The following ADAMTS20 variants were observed in gnomAD, a reference collection of about 807,000 sequenced individuals.
ADAMTS20 encodes A disintegrin and metalloproteinase with thrombospondin motifs 20.
In ADAMTS20, 225 loss-of-function variants were observed where a neutral mutation model predicts 260.1. That is an observed-to-expected ratio of 0.87 (90% CI 0.78 to 0.97). The LOEUF (loss-of-function observed/expected upper bound fraction) is 0.97. ADAMTS20 is among the 50% of genes least tolerant of loss of function. ADAMTS20 has a pLI of 0.00. For synonymous variants in ADAMTS20, 802 were observed against 769.5 expected (o/e 1.04, Z -0.70); for missense variants, 2,400 against 2,337.7 (o/e 1.03, Z -0.55).
chr12:43,439,389 AATAG>A (rs1941615844), intron 18 of ADAMTS20, among the ~76,000 whole-genome samples: 2 of 152,336 alleles, frequency 1.3e-5, no homozygotes, highest in African/African-American at 2.4e-5. Context: ...AAAGAACAGT[AATAG>A]ATAGAGAAGG....
intron 3 of ADAMTS20, among the ~76,000 whole-genome samples, chr12:43,530,915 T>C (rs1225853232): frequency 6.6e-6 from 1 of 152,004 alleles, no homozygotes; most frequent in Non-Finnish European, 1.5e-5. Context: ...TCTCATAGAT[T>C]GGTGAAACTA....
intron 2 of ADAMTS20, among the ~76,000 whole-genome samples, chr12:43,537,432 G>C (rs181761174): frequency 5.3e-5 from 8 of 152,150 alleles, no homozygotes; most frequent in Non-Finnish European, 8.8e-5. Context: ...GGTGATACAG[G>C]CATACAATGT....
At chr12:43,452,167 A>C in intron 14 of ADAMTS20, 107 bp downstream of exon 14, 1 of 1,225,848 alleles carries the variant, frequency 8.2e-7, no homozygotes, top group Middle Eastern at 2.7e-4. Flanking sequence ...TGGAATGCAT[A>C]AGAACATATG....
In ADAMTS20 at chr12:43,535,179, C is replaced by T. The variant is rs190555457; in HGVS notation, c.454-2984G>A. The stretch of plus-strand genomic sequence containing the variant: ...TTTGCTATTTAAAACTATTCTTCCC[C>T]ACTAGACAGAAGTCTTCAAATAAGC... On this transcript the variant is annotated intron_variant, in intron 2 of 38. Coordinates refer to ENST00000389420, the MANE Select transcript of ADAMTS20 (RefSeq NM_025003.5). Among the ~76,000 whole-genome samples, 19 of 152,252 alleles carry T rather than the reference C, an allele frequency of 1.2e-4. No individual in the cohort carries two copies. In the East Asian group the frequency reaches 3.5e-3, roughly 28 times the overall value.
chr12:43,404,013 T>C (rs1047445064), intron 28 of ADAMTS20, among the ~76,000 whole-genome samples: 1 of 152,134 alleles, frequency 6.6e-6, no homozygotes, highest in Non-Finnish European at 1.5e-5. Flanking sequence ...GAAACTCCCT[T>C]CTCTGATGGA....
At chr12:43,440,095 T>C (rs1351483086) in intron 16 of ADAMTS20, 26 bp from the exon 17 acceptor site, 3 of 1,510,012 alleles carry the variant, frequency 2.0e-6, no homozygotes, top group Non-Finnish European at 1.8e-6. Flanking sequence ...GCATAACTCA[T>C]GAAATAGTAA....
chr12:43,400,632 T>C (rs1162569974), intron 28 of ADAMTS20, among the ~76,000 whole-genome samples: 1 of 151,902 alleles, frequency 6.6e-6, no homozygotes, highest in African/African-American at 2.4e-5. Context: ...TTACCGTTCC[T>C]GACCATGTTA....
At chr12:43,443,474 A>G (rs372297254) in intron 16 of ADAMTS20, among the ~76,000 whole-genome samples, 1 of 152,212 alleles carries the variant, frequency 6.6e-6, no homozygotes, top group East Asian at 1.9e-4. Flanking sequence ...TACAATTAAT[A>G]TTAGACAAAA....
At chr12:43,356,782 T>A (rs1939755426) in intron 37 of ADAMTS20, among the ~76,000 whole-genome samples, 194 bp from the exon 38 acceptor site, 1 of 152,344 alleles carries the variant, frequency 6.6e-6, no homozygotes, top group South Asian at 2.1e-4. Context: ...TAGCAAGTTC[T>A]GACAGAAATA....
chr12:43,354,814 G>T (rs1280642457), intron 38 of ADAMTS20, among the ~76,000 whole-genome samples: 4 of 152,162 alleles, frequency 2.6e-5, no homozygotes, highest in Non-Finnish European at 4.4e-5. Flanking sequence ...AGTATAGAAG[G>T]TGGTAAAATG....
intron 4 of ADAMTS20, among the ~76,000 whole-genome samples, chr12:43,501,475 G>GCAT: frequency 1.7e-5 from 1 of 59,074 alleles, no homozygotes; most frequent in South Asian, 6.8e-4. Flanking sequence ...GCGCGCGCGC[G>GCAT]CGCGCGCACA....
intron 3 of ADAMTS20, among the ~76,000 whole-genome samples, chr12:43,529,405 G>A (rs1342630324): frequency 2.6e-5 from 4 of 151,960 alleles, no homozygotes; most frequent in African/African-American, 9.7e-5. Context: ...ACCAACCTAC[G>A]TGCCTGCTAA....
intron 16 of ADAMTS20, among the ~76,000 whole-genome samples, chr12:43,441,860 TATTGTAAAATAA>T (rs1260514851): frequency 2.0e-5 from 3 of 152,186 alleles, no homozygotes; most frequent in Admixed American, 2.0e-4. Context: ...TTGAAGGGAT[TATTGTAAAATAA>T]ATTTGGTGTT....
In ADAMTS20 at chr12:43,405,173, T is replaced by C. The variant is rs974865356; in HGVS notation, c.4285-5940A>G. ...CTTTGGGAGGCTGAGGCCAGAGGAT[T>C]GCTTGAACCCAGGAGTTTGAGATCA... On this transcript the variant is annotated intron_variant, in intron 28 of 38. Coordinates refer to ENST00000389420, the MANE Select transcript of ADAMTS20 (RefSeq NM_025003.5). Among the ~76,000 whole-genome samples, 5 of 136,002 alleles carry C rather than the reference T, an allele frequency of 3.7e-5. No homozygotes were observed. In the Admixed American group the frequency reaches 4.2e-4, roughly 12 times the overall value. 89.2% of individuals were successfully genotyped at this position (136,002 alleles called of 152,430 possible). A position where few individuals can be genotyped will look rare whatever the true frequency, so the allele number is the denominator to read the frequency against.
In ADAMTS20 at chr12:43,551,420, C is replaced by A. The variant is rs1453585099; in HGVS notation, c.92-150G>T. ...GCACACATGCTGATGCGCACGCACA[C>A]ACACACACGTGCACTGGGACGGTTA... On this transcript the variant is annotated intron_variant, in intron 1 of 38. Transcript: ENST00000389420. This position sits in a 1 kb window ranked among gnomAD's most constrained non-coding sequence, Gnocchi z 4.6. 4.2e-6 allele frequency: 5 copies of A among 1,182,796 alleles called. No individual in the cohort carries two copies. Among genetic ancestry groups the A allele is most frequent in the Non-Finnish European group, 5.8e-6 (5 of 864,466 alleles). 73.3% of individuals were successfully genotyped at this position (1,182,796 alleles called of 1,614,324 possible).
At chr12:43,505,855 G>T (rs1942833543) in intron 3 of ADAMTS20, among the ~76,000 whole-genome samples, 2 of 152,206 alleles carry the variant, frequency 1.3e-5, no homozygotes, top group African/African-American at 2.4e-5. Flanking sequence ...CAGGTTCATT[G>T]CAGTATTATT....
intron 14 of ADAMTS20, 140 bp from the exon 15 acceptor site, chr12:43,446,852 AC>A (rs1290919827): frequency 3.0e-6 from 2 of 667,886 alleles, no homozygotes; most frequent in African/African-American, 3.6e-5. Context: ...CTCAGAGGCT[AC>A]TATGAACACC....
chr12:43,431,333 G>A lies in ADAMTS20; in HGVS notation c.3260C>T (p.Pro1087Leu), dbSNP rs768302453. The stretch of plus-strand genomic sequence containing the variant: ...GAAAAACCCATATCATATACTCACA[G>A]GACCCCATGGTCCTACTTGCCAGGA... Reference protein sequence around the residue: ...CASWQVGPWGPCTTTCGHGYQ... With the variant: ...CASWQVGPWGLCTTTCGHGYQ... The change falls in exon 22 of 39, where the codon CCT (proline) becomes CTT (leucine). Residue 1087 changes from proline (P) to leucine (L), a missense_variant and splice_region_variant. Physicochemically the swap from Pro to Leu is moderately conservative, Grantham distance 98. Coordinates refer to ENST00000389420, the MANE Select transcript of ADAMTS20 (RefSeq NM_025003.5). 4 of 1,613,564 alleles carry A rather than the reference G, an allele frequency of 2.5e-6. No homozygotes were observed. Among genetic ancestry groups the A allele is most frequent in the Admixed American group, 1.7e-5 (1 of 59,974 alleles).
intron 28 of ADAMTS20, among the ~76,000 whole-genome samples, chr12:43,405,143 C>G (rs1940887332): frequency 7.0e-6 from 1 of 142,066 alleles, no homozygotes; most frequent in African/African-American, 2.6e-5. Flanking sequence ...CCTGTAGCCC[C>G]AGCACTTTGG....
Sources: gnomAD v4.1 joint callset for allele counts (sites outside exome capture counted in the v4.1 genomes callset) on GRCh38, gnomAD v4.1.1 for gene constraint, Gnocchi (gnomAD v3.1) non-coding constraint, MANE v1.5 for transcripts, NCBI Gene and HGNC (gene_info 2026-07-23, HGNC 2026-07-21) for gene names.